The following SORCS3 variants were observed in gnomAD, a reference collection of about 807,000 sequenced individuals.
SORCS3 encodes VPS10 domain-containing receptor SorCS3.
Under a neutral mutation model 146.3 loss-of-function variants are expected in SORCS3, and 57 were observed. That is an observed-to-expected ratio of 0.39 (90% CI 0.31 to 0.49). The LOEUF (loss-of-function observed/expected upper bound fraction) is 0.49. SORCS3 is among the 20% of genes least tolerant of loss of function. The probability of loss-of-function intolerance (pLI) is 0.92; values close to 1 mark genes in which losing one functional copy is unlikely to be tolerated. For synonymous variants in SORCS3, 653 were observed against 618.5 expected, an observed-to-expected ratio of 1.06 and a Z score of -0.83; for missense variants, 1,341 against 1,575.5, an observed-to-expected ratio of 0.85 and a Z score of 2.52.
intron 13 of SORCS3, among the ~76,000 whole-genome samples, chr10:105,167,743 A>G (rs1217169418): frequency 2.0e-5 from 3 of 152,148 alleles, no homozygotes; most frequent in Non-Finnish European, 4.4e-5. Context: ...TGAATATTTC[A>G]GCAGAAATGG....
intron 20 of SORCS3, among the ~76,000 whole-genome samples, chr10:105,243,244 T>G (rs2056847374): frequency 6.6e-6 from 1 of 151,832 alleles, no homozygotes; most frequent in Non-Finnish European, 1.5e-5. Context: ...TGCAACATTC[T>G]GATTGCTGAG....
At chr10:105,138,278 G>A in intron 7 of SORCS3, among the ~76,000 whole-genome samples, 1 of 152,096 alleles carries the variant, frequency 6.6e-6, no homozygotes, top group East Asian at 1.9e-4. Context: ...GTGGGCTTCC[G>A]ATCTGTGCAG....
intron 14 of SORCS3, among the ~76,000 whole-genome samples, chr10:105,192,140 C>T (rs1020597388): frequency 6.6e-6 from 1 of 151,948 alleles, no homozygotes; most frequent in African/African-American, 2.4e-5. Flanking sequence ...AGGAAGAAAC[C>T]TCATACATTT....
chr10:104,844,690 A>G (rs1170676712), intron 2 of SORCS3, among the ~76,000 whole-genome samples: 2 of 152,286 alleles, frequency 1.3e-5, no homozygotes, highest in East Asian at 1.9e-4. Context: ...TGCCATAACA[A>G]TTACTACAAA....
chr10:104,928,021 G>T (rs565612974), intron 3 of SORCS3, among the ~76,000 whole-genome samples: 1 of 152,280 alleles, frequency 6.6e-6, no homozygotes, highest in African/African-American at 2.4e-5. Context: ...AGAAATTTTG[G>T]GATTTGGAAA....
intron 1 of SORCS3, among the ~76,000 whole-genome samples, chr10:104,831,423 G>C (rs2017999517): frequency 6.6e-6 from 1 of 152,192 alleles, no homozygotes; most frequent in Non-Finnish European, 1.5e-5. Context: ...CCCCAAAAGT[G>C]ATGGAAGGGA....
chr10:104,989,310 C>T (rs769844303), intron 4 of SORCS3, among the ~76,000 whole-genome samples: 1 of 152,058 alleles, frequency 6.6e-6, no homozygotes, highest in African/African-American at 2.4e-5. Context: ...TCAGATTATG[C>T]GAAGAATGGC....
chr10:105,001,562 T>C (rs2055061188), intron 4 of SORCS3, among the ~76,000 whole-genome samples: 1 of 152,204 alleles, frequency 6.6e-6, no homozygotes. Flanking sequence ...GAAATAGCAC[T>C]TTCCATTGCA....
At chr10:105,066,493 A>G (rs1394193212) in intron 5 of SORCS3, among the ~76,000 whole-genome samples, 3 of 152,180 alleles carry the variant, frequency 2.0e-5, no homozygotes, top group Non-Finnish European at 4.4e-5. Flanking sequence ...TGCCAGGAGC[A>G]GAGCTGGTGT....
intron 3 of SORCS3, among the ~76,000 whole-genome samples, chr10:104,931,795 T>C (rs2019211242): frequency 6.6e-6 from 1 of 152,206 alleles, no homozygotes; most frequent in Non-Finnish European, 1.5e-5. Context: ...GGAGAGGCAC[T>C]TGACTGATTA....
chr10:105,046,306 C>A (rs922424420), intron 5 of SORCS3, among the ~76,000 whole-genome samples: 2 of 151,846 alleles, frequency 1.3e-5, no homozygotes, highest in Non-Finnish European at 2.9e-5. Flanking sequence ...CTCCTGTGAC[C>A]CTGCGCAAAT....
chr10:105,016,155 A>ATATATATATATATATTTTT (rs71482443), intron 4 of SORCS3, among the ~76,000 whole-genome samples: 1 of 101,342 alleles, frequency 9.9e-6, no homozygotes, highest in African/African-American at 4.8e-5. Flanking sequence ...ATATATATAT[A>ATATATATATATATATTTTT]TTTTTTTTTT....
At chr10:104,764,917 G>T (rs2017162240) in intron 1 of SORCS3, among the ~76,000 whole-genome samples, 2 of 152,172 alleles carry the variant, frequency 1.3e-5, no homozygotes, top group African/African-American at 4.8e-5. Context: ...GGATTGTCCA[G>T]GATTTCTGGA....
At chr10:104,660,293 A>G (rs933706424) in intron 1 of SORCS3, among the ~76,000 whole-genome samples, 3 of 6,802 alleles carry the variant, frequency 4.4e-4, no homozygotes, top group Admixed American at 5.0e-3. Flanking sequence ...AGAGTTTATT[A>G]TCCTGCATCT....
intron 1 of SORCS3, among the ~76,000 whole-genome samples, chr10:104,818,408 C>CCTTCCTTCCT (rs1564690841): frequency 4.0e-5 from 6 of 150,708 alleles, no homozygotes; most frequent in Admixed American, 6.6e-5. Context: ...TTCCTTCTTT[C>CCTTCCTTCCT]TCTCTTTTTT....
intron 2 of SORCS3, among the ~76,000 whole-genome samples, chr10:104,884,753 G>C (rs1487211881): frequency 6.6e-6 from 1 of 152,050 alleles, no homozygotes; most frequent in East Asian, 1.9e-4. Context: ...TTCTAAAATA[G>C]TTTTGAATTC....
intron 1 of SORCS3, among the ~76,000 whole-genome samples, chr10:104,736,317 C>T (rs1589478728): frequency 6.6e-6 from 1 of 152,124 alleles, no homozygotes; most frequent in South Asian, 2.1e-4. Flanking sequence ...CAGGACTGAG[C>T]TTGTTATAAA....
At chr10:104,860,164 C>T (rs1253342876) in intron 2 of SORCS3, among the ~76,000 whole-genome samples, 1 of 116,706 alleles carries the variant, frequency 8.6e-6, no homozygotes, top group Non-Finnish European at 1.8e-5. Flanking sequence ...GACTTGGAAC[C>T]AACCCAAATG....
At chr10:105,013,855 A>G (rs2055148716) in intron 4 of SORCS3, among the ~76,000 whole-genome samples, 1 of 152,002 alleles carries the variant, frequency 6.6e-6, no homozygotes, top group African/African-American at 2.4e-5. Context: ...GCAAAGGTCC[A>G]AGAGCAAACC....
Sources: allele counts gnomAD v4.1 joint callset (sites outside exome capture counted in the v4.1 genomes callset), GRCh38; gene constraint gnomAD v4.1.1; transcripts MANE v1.5; gene names NCBI Gene and HGNC (gene_info 2026-07-23, HGNC 2026-07-21).